The following CACNA1E variants were observed in gnomAD, a reference collection of about 807,000 sequenced individuals.
CACNA1E encodes the protein calcium voltage-gated channel subunit alpha1 E.
In CACNA1E, 40 loss-of-function variants were observed where a neutral mutation model predicts 259.2. The observed-to-expected ratio is 0.15, with a 90% CI of 0.12 to 0.20. The LOEUF (loss-of-function observed/expected upper bound fraction) is 0.20. CACNA1E is among the 10% of genes least tolerant of loss of function. CACNA1E has a pLI of 1.00. For synonymous variants in CACNA1E, 1,104 were observed against 1,138.5 expected, an observed-to-expected ratio of 0.97 and a Z score of 0.61; for missense variants, 1,874 against 3,040.1, an observed-to-expected ratio of 0.62 and a Z score of 9.02.
At chr1:181,456,326 A>G (rs903116727) in intron 2 of CACNA1E, among the ~76,000 whole-genome samples, 3 of 152,064 alleles carry the variant, frequency 2.0e-5, no homozygotes, top group Non-Finnish European at 4.4e-5. Flanking sequence ...AGAACATACC[A>G]TTTGTGTCTG....
chr1:181,461,369 C>G (rs6672748), intron 2 of CACNA1E, among the ~76,000 whole-genome samples: 84,895 of 150,968 alleles, frequency 0.56, 25,634 homozygotes, highest in African/African-American at 0.79. Context: ...GTGAAACCCC[C>G]TCTCTACTAA....
At chr1:181,677,415 G>T (rs1006815936) in intron 7 of CACNA1E, among the ~76,000 whole-genome samples, 2 of 152,126 alleles carry the variant, frequency 1.3e-5, no homozygotes, top group Non-Finnish European at 2.9e-5. Flanking sequence ...AATTTTAAAT[G>T]ATACAATACA....
At chr1:181,646,110 A>AG (rs1658240957) in intron 6 of CACNA1E, among the ~76,000 whole-genome samples, 1 of 152,192 alleles carries the variant, frequency 6.6e-6, no homozygotes, top group Admixed American at 6.5e-5. Context: ...GCTTCTGCAG[A>AG]GATGAATGGC....
chr1:181,686,275 GTTTTTTTTTTTTTTTT>G (rs66526388), intron 7 of CACNA1E, among the ~76,000 whole-genome samples: 3 of 58,634 alleles, frequency 5.1e-5, no homozygotes, highest in Non-Finnish European at 9.5e-5. Flanking sequence ...TAAGAACCAA[GTTTTTTTTTTTTTTTT>G]TTTTTTTTTT....
At chr1:181,691,333 A>G (rs1338841639) in intron 7 of CACNA1E, among the ~76,000 whole-genome samples, 1 of 151,850 alleles carries the variant, frequency 6.6e-6, no homozygotes, top group African/African-American at 2.4e-5. Flanking sequence ...TTTTACATAC[A>G]TTTTCTGTTC....
At chr1:181,431,267 T>C (rs184201710) in intron 2 of CACNA1E, among the ~76,000 whole-genome samples, 10 of 152,230 alleles carry the variant, frequency 6.6e-5, no homozygotes, top group African/African-American at 2.2e-4. Flanking sequence ...GTGTATGCTG[T>C]CTTGGTTATC....
intron 1 of CACNA1E, among the ~76,000 whole-genome samples, chr1:181,330,548 G>C (rs1243475339): frequency 1.3e-5 from 2 of 152,208 alleles, no homozygotes; most frequent in South Asian, 4.1e-4. Context: ...CCCAGATTCT[G>C]TCATGTTCTG....
chr1:181,505,067 C>T (rs1665589644), intron 1 of CACNA1E, among the ~76,000 whole-genome samples: 2 of 152,146 alleles, frequency 1.3e-5, no homozygotes, highest in African/African-American at 4.8e-5. Flanking sequence ...GTCATTTCCT[C>T]ATTTTGGCCA....
rs183516953 is a variant in CACNA1E, at chr1:181,352,852, T to C, written c.-15+34729T>C. The stretch of plus-strand genomic sequence containing the variant: ...GGTTGATGAGACCTTTCAAATAAGA[T>C]CGACTCCCTGATTGGGCTGGGGAGT... On this transcript the variant is annotated intron_variant, in intron 1 of 11. Transcript: ENST00000524607. Among the ~76,000 whole-genome samples the C allele has an allele frequency of 1.2e-4, 19 of 152,196 alleles. 1 individual carries two copies. The highest frequency in any genetic ancestry group is 1.2e-3 in the Admixed American group (19 of 15,294).
intron 8 of CACNA1E, 113 bp from the exon 9 acceptor site, chr1:181,715,225 G>A (rs1343744054): frequency 3.8e-5 from 26 of 684,640 alleles, no homozygotes; most frequent in Non-Finnish European, 1.3e-5. Context: ...GACAGGCTCT[G>A]AACTCTGCTC....
chr1:181,640,802 C>G (rs1166297873), intron 6 of CACNA1E, among the ~76,000 whole-genome samples: 1 of 152,184 alleles, frequency 6.6e-6, no homozygotes, highest in East Asian at 1.9e-4. Flanking sequence ...AGAATGCCAG[C>G]AGGTTTCTAA....
intron 37 of CACNA1E, among the ~76,000 whole-genome samples, chr1:181,774,652 G>T (rs1268783451): frequency 5.3e-5 from 8 of 152,068 alleles, no homozygotes; most frequent in Admixed American, 3.9e-4. Context: ...GGCAGCAGGA[G>T]AAAAGAAGGA....
chr1:181,776,241 C>G lies in CACNA1E; in HGVS notation c.5267+13C>G. The G allele has an allele frequency of 6.2e-7, 1 of 1,613,854 alleles. No individual in the cohort carries two copies. The highest frequency in any genetic ancestry group is 2.2e-5 in the East Asian group (1 of 44,880). On this transcript the variant is annotated intron_variant, in intron 38 of 47. Transcript: ENST00000367573. The surrounding 1 kb of genome is among the most constrained non-coding windows in gnomAD (Gnocchi z 4.4). ...ACCGAGCAGCATGGTGCGTAGGCCC[C>G]TCGGCCGCCCCAGCGGGGCCCAGAG...
intron 1 of CACNA1E, among the ~76,000 whole-genome samples, chr1:181,410,489 C>T (rs528804695): frequency 2.0e-5 from 3 of 152,164 alleles, no homozygotes; most frequent in East Asian, 1.9e-4. Flanking sequence ...GAGAAGGGGA[C>T]GAATAGAGAA....
intron 3 of CACNA1E, among the ~76,000 whole-genome samples, chr1:181,546,058 G>T (rs1197197129): frequency 6.6e-6 from 1 of 152,084 alleles, no homozygotes; most frequent in Non-Finnish European, 1.5e-5. Flanking sequence ...TGACAGACAC[G>T]CCGTGGGGAA....
chr1:181,362,735 TG>T (rs1166859940), intron 1 of CACNA1E, among the ~76,000 whole-genome samples: 3 of 152,154 alleles, frequency 2.0e-5, no homozygotes, highest in Non-Finnish European at 4.4e-5. Context: ...GAGTGAAATA[TG>T]ATGGGAATAA....
At chr1:181,784,484 T>G (rs1033527590) in intron 40 of CACNA1E, among the ~76,000 whole-genome samples, 177 bp from the exon 41 acceptor site, 2 of 152,186 alleles carry the variant, frequency 1.3e-5, no homozygotes, top group African/African-American at 4.8e-5. Context: ...GGAGCCAAAA[T>G]GTGTTCTGCT....
chr1:181,475,521 G>C (rs1369753326), intron 2 of CACNA1E, among the ~76,000 whole-genome samples: 1 of 152,158 alleles, frequency 6.6e-6, no homozygotes, highest in Non-Finnish European at 1.5e-5. Context: ...AATATTTTTG[G>C]GGCAGTGTGA....
chr1:181,629,694 GAC>G (rs770610490), intron 6 of CACNA1E, among the ~76,000 whole-genome samples: 2 of 152,050 alleles, frequency 1.3e-5, no homozygotes, highest in African/African-American at 2.4e-5. Flanking sequence ...ATAAGAAAAA[GAC>G]AACATATAGA....
Sources: gnomAD v4.1 joint callset for allele counts (sites outside exome capture counted in the v4.1 genomes callset) on GRCh38, gnomAD v4.1.1 for gene constraint, Gnocchi (gnomAD v3.1) non-coding constraint, MANE v1.5 for transcripts, NCBI Gene and HGNC (gene_info 2026-07-23, HGNC 2026-07-21) for gene names.